The following FAXDC2 variants were observed in gnomAD, a reference collection of about 807,000 sequenced individuals.
The protein encoded by FAXDC2 is fatty acid hydroxylase domain-containing protein 2.
FAXDC2 carries 41 observed loss-of-function variants against 40.9 expected under a neutral mutation model. The ratio of observed to expected loss-of-function variants is 1.00; its 90% confidence interval spans 0.78 to 1.30. The LOEUF is 1.30. Among genes scored for constraint, FAXDC2 ranks in the 50% most tolerant of loss-of-function variants. The probability of loss-of-function intolerance (pLI) is 0.00; values close to 1 mark genes in which losing one functional copy is unlikely to be tolerated. For missense variants in FAXDC2, 390 were observed against 408.8 expected (o/e 0.95, Z 0.40); for synonymous variants, 157 against 149.3 (o/e 1.05, Z -0.38).
At chr5:154,836,754 G>C (rs928680064) in intron 2 of FAXDC2, among the ~76,000 whole-genome samples, 1 of 152,010 alleles carries the variant, frequency 6.6e-6, no homozygotes, top group African/African-American at 2.4e-5. Context: ...AAGTTCAAGC[G>C]ATTCTTGCCT....
chr5:154,835,015 T>G, intron 2 of FAXDC2, 81 bp from the exon 3 acceptor site: 1 of 877,142 alleles, frequency 1.1e-6, no homozygotes, highest in Non-Finnish European at 1.8e-6. Context: ...ACAGCGGGAG[T>G]GCTGTAGGAT....
intron 1 of FAXDC2, 26 bp from the exon 2 acceptor site, chr5:154,838,204 CG>C: frequency 6.2e-7 from 1 of 1,609,280 alleles, no homozygotes; most frequent in Non-Finnish European, 8.5e-7. Flanking sequence ...ACAGGCGAGC[CG>C]GGGAGTTATT....
At chr5:154,838,465 A>G in intron 1 of FAXDC2, 1 of 397,272 alleles carries the variant, frequency 2.5e-6, no homozygotes, top group Non-Finnish European at 4.5e-6. Context: ...TTTAAGAGAC[A>G]GGGTCCCACT....
At chr5:154,831,748 A>G (rs535471431) in intron 4 of FAXDC2, among the ~76,000 whole-genome samples, 117 of 152,282 alleles carry the variant, frequency 7.7e-4, no homozygotes, top group African/African-American at 2.7e-3. Context: ...GATTGGTACA[A>G]ACCTTCTAGA....
In FAXDC2 at chr5:154,819,153, C is replaced by T. The variant is rs992587376; in HGVS notation, c.*1163G>A. The T allele has an allele frequency of 1.3e-5, 2 of 152,162 alleles. No individual in the cohort carries two copies. The highest frequency in any genetic ancestry group is 2.9e-5 in the Non-Finnish European group (2 of 68,030). The allele number at this position is 152,162 out of a possible 1,614,324, so 9.4% of individuals were successfully genotyped here. A position where few individuals can be genotyped will look rare whatever the true frequency, so the allele number is the denominator to read the frequency against. On this transcript the variant is annotated 3_prime_UTR_variant, in exon 9 of 9. Coordinates refer to ENST00000326080, the MANE Select transcript of FAXDC2 (RefSeq NM_032385.5). ...AGAGAACTGAAAGTTGGAAAAGGCA[C>T]AAGTATATATAAGAATTTAGTAAAA...
rs1416933462 is a variant in FAXDC2, at chr5:154,820,466, G to A, written c.852C>T (p.Asn284=). The A allele has an allele frequency of 6.2e-7, 1 of 1,609,884 alleles. No individual in the cohort carries two copies. Among genetic ancestry groups the A allele is most frequent in the Admixed American group, 1.7e-5 (1 of 59,650 alleles). The change falls in exon 9 of 9, where the codon AAC becomes AAT. Residue 284 remains asparagine (N), a synonymous_variant. Coordinates refer to ENST00000326080, the MANE Select transcript of FAXDC2 (RefSeq NM_032385.5). ...GCACACCCAGCACCCCATAGCACTG[G>A]TTGAACCTAGAAGAGAGAGGACGGC... ...EFHDYHHLKF[N]QCYGVLGVLD... is the part of the protein sequence containing the mutation.
chr5:154,824,702 G>T, intron 5 of FAXDC2: 1 of 594,392 alleles, frequency 1.7e-6, no homozygotes, highest in Non-Finnish European at 3.0e-6. Flanking sequence ...TGTACTGGGT[G>T]TTGAAAATAA....
Position 154,819,429 on chromosome 5 carries a change from C to T in FAXDC2, c.*887G>A, listed in dbSNP as rs976909952. ...GCCATGTTTTTCCGGGCTCTTTCTT[C>T]GGGGAGAAAGAGGGCTCTAACCTTT... is the stretch of plus-strand genomic sequence containing the variant. On this transcript the variant is annotated 3_prime_UTR_variant, in exon 9 of 9. Transcript: ENST00000326080. The T allele has an allele frequency of 5.3e-5, 8 of 152,092 alleles. No individual in the cohort carries two copies. Among genetic ancestry groups the T allele is most frequent in the Admixed American group, 2.0e-4 (3 of 15,264 alleles). 9.4% of individuals were successfully genotyped at this position (152,092 alleles called of 1,614,324 possible). A position where few individuals can be genotyped will look rare whatever the true frequency, so the allele number is the denominator to read the frequency against.
intron 1 of FAXDC2, among the ~76,000 whole-genome samples, chr5:154,839,578 A>T (rs1189683992): frequency 6.6e-6 from 1 of 151,746 alleles, no homozygotes; most frequent in Non-Finnish European, 1.5e-5. Context: ...AGTTTGGGAG[A>T]TGGAGGCTGC....
At chr5:154,822,111 T>C (rs1425242050) in intron 7 of FAXDC2, 10 of 188,782 alleles carry the variant, frequency 5.3e-5, no homozygotes, top group Non-Finnish European at 9.9e-5. Context: ...ACGTGTGGTC[T>C]CAGCTATTTG....
intron 5 of FAXDC2, among the ~76,000 whole-genome samples, chr5:154,827,541 G>C (rs1760073132): frequency 6.6e-6 from 1 of 150,894 alleles, no homozygotes; most frequent in African/African-American, 2.4e-5. Flanking sequence ...ATCCCATCGC[G>C]AGGCCAGGTT....
intron 1 of FAXDC2, among the ~76,000 whole-genome samples, chr5:154,843,666 G>A (rs940992881): frequency 1.3e-5 from 2 of 152,160 alleles, no homozygotes; most frequent in African/African-American, 4.8e-5. Flanking sequence ...AAAGAATGCT[G>A]TTTTTAGTCA....
intron 4 of FAXDC2, among the ~76,000 whole-genome samples, chr5:154,833,306 G>C (rs1248961685): frequency 6.6e-6 from 1 of 151,446 alleles, no homozygotes; most frequent in Non-Finnish European, 1.5e-5. Flanking sequence ...CAAAGTGCTG[G>C]GATTACAGGT....
At chr5:154,821,531 C>A in intron 7 of FAXDC2, 105 bp from the exon 8 acceptor site, 1 of 820,732 alleles carries the variant, frequency 1.2e-6, no homozygotes, top group Non-Finnish European at 1.8e-6. Flanking sequence ...TTCCTTGACC[C>A]AGATCTGGAG....
intron 1 of FAXDC2, among the ~76,000 whole-genome samples, chr5:154,841,127 CCTA>C (rs1466103115): frequency 6.8e-6 from 1 of 146,660 alleles, no homozygotes; most frequent in Non-Finnish European, 1.5e-5. Context: ...AGGCCTAACC[CCTA>C]CCCAGAGACG....
intron 1 of FAXDC2, among the ~76,000 whole-genome samples, chr5:154,842,448 C>T (rs1180207693): frequency 6.0e-5 from 9 of 150,562 alleles, no homozygotes; most frequent in African/African-American, 2.2e-4. Context: ...TTGTGATCCA[C>T]CCGCCTCGAC....
chr5:154,833,677 CT>C (rs111583965), intron 4 of FAXDC2, among the ~76,000 whole-genome samples: 9 of 147,008 alleles, frequency 6.1e-5, no homozygotes, highest in Non-Finnish European at 6.0e-5. Flanking sequence ...TTCTTTCTTT[CT>C]TTTTTTTTTG....
chr5:154,831,063 G>A, intron 4 of FAXDC2, 141 bp from the exon 5 acceptor site: 2 of 921,944 alleles, frequency 2.2e-6, no homozygotes, highest in South Asian at 1.7e-5. Flanking sequence ...TGGGACCAAG[G>A]GGTTACCTGT....
At chr5:154,832,239 A>G (rs1028903067) in intron 4 of FAXDC2, among the ~76,000 whole-genome samples, 1 of 148,266 alleles carries the variant, frequency 6.7e-6, no homozygotes, top group African/African-American at 2.5e-5. Context: ...TTTGAGACAG[A>G]GTCTTGCTCT....
Sources: gnomAD v4.1 joint callset for allele counts (sites outside exome capture counted in the v4.1 genomes callset) on GRCh38, gnomAD v4.1.1 for gene constraint, MANE v1.5 for transcripts, NCBI Gene and HGNC (gene_info 2026-07-23, HGNC 2026-07-21) for gene names.